Variants in TMEM74 observed in about 807,000 individuals in gnomAD.
The protein encoded by TMEM74 is transmembrane protein 74.
Under a neutral mutation model 18.1 loss-of-function variants are expected in TMEM74, and 13 were observed. The ratio of observed to expected loss-of-function variants is 0.72; its 90% CI spans 0.47 to 1.14. The LOEUF (loss-of-function observed/expected upper bound fraction) is 1.14, where lower values mean the gene tolerates loss of function less well. TMEM74 is among the 50% of genes most tolerant of loss of function. The pLI is 0.00. For missense variants in TMEM74, 372 were observed against 375.9 expected (o/e 0.99, Z 0.09); for synonymous variants, 159 against 146.6 (o/e 1.08, Z -0.61).
intron 2 of TMEM74, among the ~76,000 whole-genome samples, chr8:108,610,582 T>C (rs748238641): frequency 6.6e-6 from 1 of 152,098 alleles, no homozygotes; most frequent in Non-Finnish European, 1.5e-5. Context: ...GTTGAGAATG[T>C]GACATTTGGG....
chr8:108,608,336 C>T (rs1397858414), intron 3 of TMEM74, among the ~76,000 whole-genome samples: 1 of 149,540 alleles, frequency 6.7e-6, no homozygotes, highest in Non-Finnish European at 1.5e-5. Context: ...AAAAAAAGAA[C>T]TAGACAGTCT....
intron 1 of TMEM74, among the ~76,000 whole-genome samples, chr8:108,718,866 T>C (rs1813556204): frequency 6.6e-6 from 1 of 152,088 alleles, no homozygotes; most frequent in African/African-American, 2.4e-5. Flanking sequence ...AATGTGCTCA[T>C]TTTTAAAACA....
At chr8:108,700,130 G>GGTGTGTGTGTGTGTGT (rs3049748) in intron 1 of TMEM74, among the ~76,000 whole-genome samples, 166 of 143,160 alleles carry the variant, frequency 1.2e-3, no homozygotes, top group South Asian at 5.3e-3. Context: ...GGCCATAAAT[G>GGTGTGTGTGTGTGTGT]GTGTGTGTGT....
At chr8:108,759,226 C>T (rs1351945783) in intron 1 of TMEM74, among the ~76,000 whole-genome samples, 1 of 151,938 alleles carries the variant, frequency 6.6e-6, no homozygotes. Context: ...TTTTAAAAAA[C>T]ACAATTATCT....
chr8:108,705,846 CA>C, intron 1 of TMEM74, among the ~76,000 whole-genome samples: 1 of 152,210 alleles, frequency 6.6e-6, no homozygotes, highest in Admixed American at 6.5e-5. Flanking sequence ...GAGATGCTCA[CA>C]AGAGAACTTA....
At chr8:108,751,398 G>A (rs1213600522) in intron 1 of TMEM74, among the ~76,000 whole-genome samples, 2 of 152,100 alleles carry the variant, frequency 1.3e-5, no homozygotes, top group African/African-American at 4.8e-5. Flanking sequence ...CTTGGATCAG[G>A]AGAAGGAATT....
chr8:108,755,448 T>C (rs2130655664), intron 1 of TMEM74, among the ~76,000 whole-genome samples: 1 of 152,118 alleles, frequency 6.6e-6, no homozygotes. Flanking sequence ...CCTACACATA[T>C]AGCATGTGAA....
At chr8:108,774,561 A>T (rs993118165), downstream of TMEM74, among the ~76,000 whole-genome samples, 1 of 152,178 alleles carries the variant, frequency 6.6e-6, no homozygotes, top group Non-Finnish European at 1.5e-5. Flanking sequence ...TTTCTTAACC[A>T]CTAGAGCCAG....
At position 108,759,008 on chromosome 8, in the gene TMEM74, A is replaced by G. The variant is rs1020638328; in HGVS notation, n.119+28468T>C. Among the ~76,000 whole-genome samples the G allele has an allele frequency of 5.3e-5, 8 of 152,234 alleles. No homozygotes were observed. In the South Asian group the frequency reaches 1.7e-3, roughly 32 times the overall value. ...TTAAAGACATGTGTCCAAATAATAT[A>G]TATAGTGTTTATTTAAAGTAAATGT... On this transcript the variant is annotated intron_variant and non_coding_transcript_variant, in intron 1 of 3. Transcript: ENST00000518838.
chr8:108,702,397 T>C (rs1009276194), intron 1 of TMEM74, among the ~76,000 whole-genome samples: 3 of 149,554 alleles, frequency 2.0e-5, no homozygotes, highest in Non-Finnish European at 4.4e-5. Flanking sequence ...AACACAAATT[T>C]GGTGAGCTGA....
At chr8:108,626,355 T>C (rs1050435378) in intron 2 of TMEM74, among the ~76,000 whole-genome samples, 10 of 152,078 alleles carry the variant, frequency 6.6e-5, no homozygotes, top group South Asian at 6.2e-4. Context: ...CCTCTTAATT[T>C]CATTAGATTT....
intron 2 of TMEM74, among the ~76,000 whole-genome samples, chr8:108,649,863 C>T (rs895539074): frequency 3.3e-5 from 5 of 152,136 alleles, no homozygotes; most frequent in East Asian, 1.9e-4. Flanking sequence ...TCACTAAATG[C>T]GGGTTAACAG....
chr8:108,660,731 G>A (rs1256786979), intron 1 of TMEM74, among the ~76,000 whole-genome samples: 2 of 151,878 alleles, frequency 1.3e-5, no homozygotes, highest in African/African-American at 2.4e-5. Context: ...TCATCTTTTT[G>A]TTATACTTCA....
intron 1 of TMEM74, among the ~76,000 whole-genome samples, chr8:108,760,149 G>GGAGAGAGA (rs72281415): frequency 4.2e-5 from 6 of 143,930 alleles, no homozygotes; most frequent in African/African-American, 1.3e-4. Context: ...CTGCAGACTG[G>GGAGAGAGA]GAGAGAGAGA....
intron 1 of TMEM74, among the ~76,000 whole-genome samples, chr8:108,719,942 G>A (rs1372826793): frequency 6.6e-6 from 1 of 152,054 alleles, no homozygotes; most frequent in African/African-American, 2.4e-5. Flanking sequence ...GCTATTTAAA[G>A]TATATTTTTA....
rs1342978412 is a variant in TMEM74 at position 108,780,600 on chromosome 8, C to G, written c.*3581G>C. Among the ~76,000 whole-genome samples the G allele has an allele frequency of 2.6e-5, 4 of 152,068 alleles. No homozygotes were observed. Among genetic ancestry groups the G allele is most frequent in the Non-Finnish European group, 1.5e-5 (1 of 68,014 alleles). ...TGAAGGGCATGTGCCAGCACTGGTCCAATTGGGTCCCTAAAACAAATAAGT... is the reference window on the plus strand; with the variant it reads ...TGAAGGGCATGTGCCAGCACTGGTCGAATTGGGTCCCTAAAACAAATAAGT... On this transcript the variant is annotated 3_prime_UTR_variant, in exon 2 of 2. Transcript: ENST00000297459.
chr8:108,677,826 C>G (rs1200524870), intron 1 of TMEM74, among the ~76,000 whole-genome samples: 1 of 152,124 alleles, frequency 6.6e-6, no homozygotes, highest in Non-Finnish European at 1.5e-5. Context: ...ATTGGATCAG[C>G]CCAGGTCTTC....
At chr8:108,709,392 A>G (rs1401013049) in intron 1 of TMEM74, among the ~76,000 whole-genome samples, 2 of 152,192 alleles carry the variant, frequency 1.3e-5, no homozygotes, top group Non-Finnish European at 2.9e-5. Flanking sequence ...CAATAAACCT[A>G]GGGGACATTA....
chr8:108,654,384 A>C (rs1375407062), intron 2 of TMEM74, among the ~76,000 whole-genome samples: 1 of 152,172 alleles, frequency 6.6e-6, no homozygotes, highest in South Asian at 2.1e-4. Flanking sequence ...CTGAGGATTA[A>C]ATTATAGAAA....
Sources: gnomAD v4.1 joint callset for allele counts (sites outside exome capture counted in the v4.1 genomes callset) on GRCh38, gnomAD v4.1.1 for gene constraint, MANE v1.5 for transcripts, NCBI Gene and HGNC (gene_info 2026-07-23, HGNC 2026-07-21) for gene names.